The following B3GALNT1 variants were observed in gnomAD, a reference collection of about 807,000 sequenced individuals.
B3GALNT1 encodes the protein UDP-GalNAc:beta-1,3-N-acetylgalactosaminyltransferase 1.
Under a neutral mutation model 27.3 loss-of-function variants are expected in B3GALNT1, and 17 were observed. That is an observed-to-expected ratio of 0.62 (90% CI 0.43 to 0.94). The LOEUF is 0.94. Among genes scored for constraint, B3GALNT1 ranks in the 40% least tolerant of loss-of-function variants. The probability of loss-of-function intolerance (pLI) is 0.00; values close to 1 mark genes in which losing one functional copy is unlikely to be tolerated. For missense variants in B3GALNT1, 347 were observed against 390.0 expected (o/e 0.89, Z 0.93); for synonymous variants, 141 against 144.0 (o/e 0.98, Z 0.15).
intron 4 of B3GALNT1, among the ~76,000 whole-genome samples, chr3:161,099,315 G>A (rs528473621): frequency 6.6e-6 from 1 of 152,288 alleles, no homozygotes; most frequent in South Asian, 2.1e-4. Flanking sequence ...ATTAAAAGAT[G>A]TAATTACAAT....
chr3:161,098,458 A>T (rs1002060132), intron 4 of B3GALNT1, among the ~76,000 whole-genome samples: 2 of 152,172 alleles, frequency 1.3e-5, no homozygotes, highest in Non-Finnish European at 2.9e-5. Flanking sequence ...TCATGCCTGT[A>T]ATCCCAGCAC....
intron 4 of B3GALNT1, among the ~76,000 whole-genome samples, chr3:161,100,474 A>G (rs1322835283): frequency 1.3e-5 from 2 of 152,198 alleles, no homozygotes; most frequent in African/African-American, 2.4e-5. Flanking sequence ...TTAAAGCTTC[A>G]TTAAAAGGGA....
At chr3:161,094,753 A>C (rs1322916091) in intron 4 of B3GALNT1, among the ~76,000 whole-genome samples, 1 of 152,008 alleles carries the variant, frequency 6.6e-6, no homozygotes, top group African/African-American at 2.4e-5. Context: ...ATTCACAGGC[A>C]CAATTATTTT....
intron 4 of B3GALNT1, among the ~76,000 whole-genome samples, chr3:161,099,591 G>A (rs935922099): frequency 3.9e-5 from 6 of 152,154 alleles, no homozygotes; most frequent in African/African-American, 1.4e-4. Flanking sequence ...TGAATTTGAG[G>A]AGTTATTTCT....
At chr3:161,093,500 G>A (rs935763992) in intron 4 of B3GALNT1, among the ~76,000 whole-genome samples, 10 of 152,138 alleles carry the variant, frequency 6.6e-5, no homozygotes, top group African/African-American at 2.4e-4. Flanking sequence ...CAGCTGAGCA[G>A]TGGGCTACAA....
rs936573439 is a variant in B3GALNT1 at position 161,084,569 on chromosome 3, A to C, written c.*1190T>G. 2.0e-5 allele frequency: 3 copies of C among 152,190 alleles called. No individual in the cohort carries two copies. The highest frequency in any genetic ancestry group is 4.8e-5 in the African/African-American group (2 of 41,456). The allele number at this position is 152,190 out of a possible 1,614,324, so 9.4% of individuals were successfully genotyped here. A position where few individuals can be genotyped will look rare whatever the true frequency, so the allele number is the denominator to read the frequency against. ...AAGGAGTGCTCCCCTTTGACCTACT[A>C]TTAGCAGGTCCAACAAATGATATAT... On this transcript the variant is annotated 3_prime_UTR_variant, in exon 5 of 5. Transcript: ENST00000320474.
intron 4 of B3GALNT1, among the ~76,000 whole-genome samples, chr3:161,093,833 A>T (rs979623428): frequency 6.8e-6 from 1 of 147,750 alleles, no homozygotes; most frequent in Admixed American, 6.8e-5. Context: ...CCCCATAGAT[A>T]AAAAAAAAAA....
At chr3:161,101,716 T>G (rs575586518) in intron 3 of B3GALNT1, among the ~76,000 whole-genome samples, 65 of 152,314 alleles carry the variant, frequency 4.3e-4, no homozygotes, top group African/African-American at 1.6e-3. Context: ...GTTTGCACTC[T>G]CAGAATGTGT....
intron 4 of B3GALNT1, among the ~76,000 whole-genome samples, chr3:161,089,170 C>T (rs1383677066): frequency 6.6e-6 from 1 of 152,164 alleles, no homozygotes; most frequent in Non-Finnish European, 1.5e-5. Flanking sequence ...AGTTTCCTGT[C>T]TCTATATTGA....
At chr3:161,098,642 T>G (rs115905425) in intron 4 of B3GALNT1, among the ~76,000 whole-genome samples, 1 of 152,288 alleles carries the variant, frequency 6.6e-6, no homozygotes, top group African/African-American at 2.4e-5. Context: ...AAAGGGAAGT[T>G]TAGTCCAATT....
chr3:161,104,339 ACATGGTTTGG>A lies in B3GALNT1; in HGVS notation c.-251_-242del. 7.8e-7 allele frequency: 1 copy of A among 1,289,730 alleles called. No individual in the cohort carries two copies. Among genetic ancestry groups the A allele is most frequent in the Non-Finnish European group, 1.0e-6 (1 of 988,854 alleles). The allele number at this position is 1,289,730 out of a possible 1,614,324, so 79.9% of individuals were successfully genotyped here. On this transcript the variant is annotated 5_prime_UTR_variant, in exon 2 of 5. The change abolishes an upstream ATG in the 5' untranslated region. Transcript: ENST00000320474. ...CTTACCTCTGAAAACAGAAAAAAAG[ACATGGTTTGG>A]CAATTTCTTCCTTGATAGCTTTTCC... is the stretch of plus-strand genomic sequence containing the variant.
At chr3:161,102,467 G>A (rs111711052) in intron 3 of B3GALNT1, among the ~76,000 whole-genome samples, 4,072 of 152,142 alleles carry the variant, frequency 0.027, 205 homozygotes, top group African/African-American at 0.094. Context: ...ACAAACTGCC[G>A]TATTTCTAGC....
chr3:161,085,071 C>G lies in B3GALNT1; in HGVS notation c.*688G>C, dbSNP rs973626618. ...GAGATTACTGATATGCAATAATGAC[C>G]TATGACTTTACATTAATGGAGTGAT... On this transcript the variant is annotated 3_prime_UTR_variant, in exon 5 of 5. Transcript: ENST00000320474. 6.6e-5 allele frequency: 10 copies of G among 152,156 alleles called. No individual in the cohort carries two copies. Among genetic ancestry groups the G allele is most frequent in the African/African-American group, 2.4e-4 (10 of 41,434 alleles). The allele number at this position is 152,156 out of a possible 1,614,324, so 9.4% of individuals were successfully genotyped here.
chr3:161,101,486 G>C (rs1467950574), intron 3 of B3GALNT1, among the ~76,000 whole-genome samples: 1 of 152,096 alleles, frequency 6.6e-6, no homozygotes, highest in Non-Finnish European at 1.5e-5. Context: ...CCTTCATTCA[G>C]TGTTCTGGAC....
chr3:161,102,268 A>G (rs751450731), intron 3 of B3GALNT1, among the ~76,000 whole-genome samples: 8 of 152,204 alleles, frequency 5.3e-5, no homozygotes. Context: ...ACCTGTGTTC[A>G]GAGTCAGAAA....
In B3GALNT1 at chr3:161,085,446, G is replaced by A; in HGVS notation, c.*313C>T. On this transcript the variant is annotated 3_prime_UTR_variant, in exon 5 of 5. Transcript: ENST00000320474. The stretch of plus-strand genomic sequence containing the variant: ...TTGTTTTGTTTTTACAGCCTAGTGA[G>A]CTTATAACTCAGTAACACCCTTTTA... 1 of 353,338 alleles carries A rather than the reference G, an allele frequency of 2.8e-6. No homozygotes were observed. Among genetic ancestry groups the A allele is most frequent in the Non-Finnish European group, 5.2e-6 (1 of 190,608 alleles). The allele number at this position is 353,338 out of a possible 1,614,324, so 21.9% of individuals were successfully genotyped here. A position where few individuals can be genotyped will look rare whatever the true frequency, so the allele number is the denominator to read the frequency against.
rs548194747 is a variant in B3GALNT1 at position 161,084,520 on chromosome 3, T to C, written c.*1239A>G. 5 of 152,322 alleles carry C rather than the reference T, an allele frequency of 3.3e-5. No individual in the cohort carries two copies. The South Asian group carries it at 1.0e-3, about 32-fold the overall frequency. 9.4% of individuals were successfully genotyped at this position (152,322 alleles called of 1,614,324 possible). ...CCTATATAAACTCTAAAAAGAAAAC[T>C]GCATAAACCCAGGAACAGGGGGCAA... On this transcript the variant is annotated 3_prime_UTR_variant, in exon 5 of 5. Coordinates refer to ENST00000320474, the MANE Select transcript of B3GALNT1 (RefSeq NM_003781.4).
chr3:161,101,797 G>A (rs1329904495), intron 3 of B3GALNT1, among the ~76,000 whole-genome samples: 1 of 152,306 alleles, frequency 6.6e-6, no homozygotes, highest in East Asian at 1.9e-4. Context: ...AATACTAAGA[G>A]ATAAAACTGG....
intron 3 of B3GALNT1, among the ~76,000 whole-genome samples, chr3:161,101,840 T>A (rs1731458181): frequency 6.6e-6 from 1 of 152,156 alleles, no homozygotes; most frequent in Admixed American, 6.5e-5. Context: ...AGTGCGTAAC[T>A]CCATTCTCAA....
Sources: gnomAD v4.1 joint callset for allele counts (sites outside exome capture counted in the v4.1 genomes callset) on GRCh38, gnomAD v4.1.1 for gene constraint, MANE v1.5 for transcripts, NCBI Gene and HGNC (gene_info 2026-07-23, HGNC 2026-07-21) for gene names.